The following SLC24A4 variants were observed in gnomAD, a reference collection of about 807,000 sequenced individuals.
The protein encoded by SLC24A4 is sodium/potassium/calcium exchanger 4.
In SLC24A4, 53 loss-of-function variants were observed where a neutral mutation model predicts 79.0. That is an observed-to-expected ratio of 0.67 (90% CI 0.54 to 0.84). The LOEUF is 0.84. Ranked by LOEUF, SLC24A4 falls within the 40% of genes least tolerant of loss-of-function variation. The pLI, the probability that SLC24A4 is intolerant of heterozygous loss-of-function variation, is 0.00. For synonymous variants in SLC24A4, 323 were observed against 323.8 expected (o/e 1.00, Z 0.03); for missense variants, 731 against 822.0 (o/e 0.89, Z 1.35).
intron 2 of SLC24A4, among the ~76,000 whole-genome samples, chr14:92,328,608 A>G (rs1472793079): frequency 6.6e-6 from 1 of 152,232 alleles, no homozygotes; most frequent in Non-Finnish European, 1.5e-5. Context: ...CTGTTTCTCC[A>G]TCTCTGGGCT....
chr14:92,399,096 G>A (rs535478179), intron 2 of SLC24A4, among the ~76,000 whole-genome samples: 1 of 152,270 alleles, frequency 6.6e-6, no homozygotes, highest in Non-Finnish European at 1.5e-5. Context: ...GCAGTACCTG[G>A]GGAGAGCCCT....
At chr14:92,361,693 T>C (rs1347251555) in intron 2 of SLC24A4, among the ~76,000 whole-genome samples, 1 of 152,076 alleles carries the variant, frequency 6.6e-6, no homozygotes, top group Non-Finnish European at 1.5e-5. Context: ...AGCAGGGTGA[T>C]AATTACAGAG....
chr14:92,473,184 G>A (rs755360928), intron 12 of SLC24A4, among the ~76,000 whole-genome samples: 11 of 152,164 alleles, frequency 7.2e-5, no homozygotes, highest in African/African-American at 1.7e-4. Flanking sequence ...CATTTGATGT[G>A]GGTTTGGCAA....
intron 2 of SLC24A4, among the ~76,000 whole-genome samples, chr14:92,358,664 A>G (rs1164193407): frequency 6.9e-6 from 1 of 144,624 alleles, no homozygotes; most frequent in Non-Finnish European, 1.5e-5. Flanking sequence ...TATCTGACTC[A>G]TCTACTGCTG....
intron 11 of SLC24A4, among the ~76,000 whole-genome samples, chr14:92,455,253 T>C (rs1269612193): frequency 1.3e-5 from 2 of 152,184 alleles, no homozygotes; most frequent in Non-Finnish European, 2.9e-5. Context: ...CTTTCAGCTC[T>C]AAAAATTTCA....
At chr14:92,374,357 G>A (rs1888379822) in intron 2 of SLC24A4, among the ~76,000 whole-genome samples, 1 of 152,214 alleles carries the variant, frequency 6.6e-6, no homozygotes, top group Admixed American at 6.5e-5. Context: ...GGCAGTGAGG[G>A]ACAAGACCAG....
chr14:92,453,093 A>T (rs762236721), intron 10 of SLC24A4: 2 of 152,274 alleles, frequency 1.3e-5, no homozygotes, highest in Non-Finnish European at 2.9e-5. Flanking sequence ...ATTCCCAAGG[A>T]TACCGGCCCA....
At chr14:92,381,450 G>C (rs1288368862) in intron 2 of SLC24A4, among the ~76,000 whole-genome samples, 1 of 152,094 alleles carries the variant, frequency 6.6e-6, no homozygotes, top group African/African-American at 2.4e-5. Context: ...GGAAAGGGGA[G>C]GGAGAGCATT....
intron 2 of SLC24A4, among the ~76,000 whole-genome samples, chr14:92,422,801 C>T (rs757744206): frequency 2.6e-5 from 4 of 152,082 alleles, no homozygotes; most frequent in Non-Finnish European, 4.4e-5. Flanking sequence ...ACCTAGGTTC[C>T]GAATTTACTT....
At chr14:92,354,877 C>T (rs1356086407) in intron 2 of SLC24A4, among the ~76,000 whole-genome samples, 1 of 152,134 alleles carries the variant, frequency 6.6e-6, no homozygotes, top group Non-Finnish European at 1.5e-5. Context: ...AGTTCGAGAC[C>T]AGCCCGGCCA....
chr14:92,331,457 A>G (rs963345142), intron 2 of SLC24A4, among the ~76,000 whole-genome samples: 6 of 151,926 alleles, frequency 3.9e-5, no homozygotes, highest in African/African-American at 1.5e-4. Context: ...TAATTTTTGT[A>G]TTTTTAGTAG....
chr14:92,381,976 A>G (rs1220475871), intron 2 of SLC24A4, among the ~76,000 whole-genome samples: 1 of 152,164 alleles, frequency 6.6e-6, no homozygotes, highest in African/African-American at 2.4e-5. Flanking sequence ...AGGTTATTTT[A>G]AAAATGGATG....
rs1474495968 is a variant in SLC24A4, at chr14:92,494,399, C to G, written c.*771C>G. 6.6e-6 allele frequency: 1 copy of G among 152,412 alleles called. No homozygotes were observed. Among genetic ancestry groups the G allele is most frequent in the Non-Finnish European group, 1.5e-5 (1 of 68,034 alleles). 9.4% of individuals were successfully genotyped at this position (152,412 alleles called of 1,614,324 possible). A position where few individuals can be genotyped will look rare whatever the true frequency, so the allele number is the denominator to read the frequency against. ...TGATACACACCAAAAAAGTAATGAT[C>G]GTAAAGACACAAATCCTCTGTATGC... On this transcript the variant is annotated 3_prime_UTR_variant, in exon 17 of 17. Transcript: ENST00000532405. This position sits in a 1 kb window ranked among gnomAD's most constrained non-coding sequence, Gnocchi z 4.6.
At chr14:92,492,718 C>T (rs574362938) in intron 16 of SLC24A4, 3 of 386,568 alleles carry the variant, frequency 7.8e-6, no homozygotes, top group South Asian at 3.7e-5. Context: ...CAGAAGAAAT[C>T]GGGGCTCAGG....
At chr14:92,382,002 A>C (rs1888879257) in intron 2 of SLC24A4, among the ~76,000 whole-genome samples, 1 of 152,152 alleles carries the variant, frequency 6.6e-6, no homozygotes, top group South Asian at 2.1e-4. Context: ...TCTTAAAATA[A>C]ATTTTGTCTT....
intron 15 of SLC24A4, 141 bp downstream of exon 15, chr14:92,491,918 C>A: frequency 1.4e-6 from 1 of 718,150 alleles, no homozygotes; most frequent in Admixed American, 2.3e-5. Flanking sequence ...GCTTCTAGAG[C>A]ACCTTAGGGA....
chr14:92,438,357 A>T (rs1055335526), intron 3 of SLC24A4, among the ~76,000 whole-genome samples: 5 of 152,170 alleles, frequency 3.3e-5, no homozygotes, highest in Non-Finnish European at 5.9e-5. Flanking sequence ...TAATCCCAGC[A>T]CTTTGGGAGG....
At position 92,388,617 on chromosome 14, in the gene SLC24A4, G is replaced by T. The variant is rs537840234; in HGVS notation, c.242-45295G>T. Among the ~76,000 whole-genome samples the T allele has an allele frequency of 3.9e-5, 6 of 152,338 alleles. No individual in the cohort carries two copies. The East Asian group carries it at 1.2e-3, about 29-fold the overall frequency. On this transcript the variant is annotated intron_variant, in intron 2 of 16. Transcript: ENST00000532405. ...TCTGCAGCTGTGCATTTGTATAGTT[G>T]TGGGGCAGGAGGCCGTGCCTCCTGT...
intron 12 of SLC24A4, among the ~76,000 whole-genome samples, chr14:92,465,970 C>A (rs1002575762): frequency 2.6e-5 from 4 of 152,206 alleles, no homozygotes; most frequent in Non-Finnish European, 5.9e-5. Flanking sequence ...CAGCTCAGTT[C>A]AACAGCAGGT....
Sources: gnomAD v4.1 joint callset for allele counts (sites outside exome capture counted in the v4.1 genomes callset) on GRCh38, gnomAD v4.1.1 for gene constraint, Gnocchi (gnomAD v3.1) non-coding constraint, MANE v1.5 for transcripts, NCBI Gene and HGNC (gene_info 2026-07-23, HGNC 2026-07-21) for gene names.